ZNF738: variants seen among roughly 807,000 people sequenced by gnomAD.
ZNF738 encodes protein ZNF738.
In ZNF738, 10 loss-of-function variants were observed where a neutral mutation model predicts 9.2. The ratio of observed to expected loss-of-function variants is 1.09; its 90% CI spans 0.67 to 1.85. The LOEUF is 1.85. ZNF738 is among the 40% of genes most tolerant of loss of function. ZNF738 has a pLI of 0.00. For synonymous variants in ZNF738, 113 were observed against 94.5 expected (o/e 1.20, Z -1.14); for missense variants, 346 against 283.6 (o/e 1.22, Z -1.58).
intron 2 of ZNF738, among the ~76,000 whole-genome samples, chr19:21,363,907 A>T (rs537065034): frequency 1.6e-3 from 238 of 148,188 alleles, no homozygotes; most frequent in Non-Finnish European, 2.8e-3. Context: ...AAAAAAATTG[A>T]ATTCTAGAGC....
At chr19:21,373,980 C>T (rs1973892965) in intron 2 of ZNF738, among the ~76,000 whole-genome samples, 1 of 152,054 alleles carries the variant, frequency 6.6e-6, no homozygotes, top group South Asian at 2.1e-4. Context: ...CCAGAGCCTT[C>T]TCTACACTCT....
chr19:21,359,538 A>G (rs954272815), intron 1 of ZNF738, among the ~76,000 whole-genome samples: 9 of 152,176 alleles, frequency 5.9e-5, no homozygotes, highest in Non-Finnish European at 2.9e-5. Flanking sequence ...ATCTCCTATT[A>G]AAAGTTAATG....
In ZNF738 at chr19:21,384,042, A is replaced by G. The variant is rs1974038072; in HGVS notation, c.*368A>G. 5 of 1,558,270 alleles carry G rather than the reference A, an allele frequency of 3.2e-6. No individual in the cohort carries two copies. The Admixed American group carries it at 6.7e-5, about 21-fold the overall frequency. On this transcript the variant is annotated 3_prime_UTR_variant, in exon 5 of 5. Coordinates refer to ENST00000683779, the MANE Select transcript of ZNF738 (RefSeq NM_001355237.2). ...AGCTTTCTACCGATTCATTTACCTTACTACACATAAGAGAATTCACACTGG... is the reference window on the plus strand; with the variant it reads ...AGCTTTCTACCGATTCATTTACCTTGCTACACATAAGAGAATTCACACTGG...
At chr19:21,373,636 C>T (rs1426514852) in intron 2 of ZNF738, among the ~76,000 whole-genome samples, 1 of 152,106 alleles carries the variant, frequency 6.6e-6, no homozygotes, top group Non-Finnish European at 1.5e-5. Flanking sequence ...GTTCTTAGTT[C>T]TTTTTTCTGT....
chr19:21,362,347 AAAC>A (rs1255817252), intron 2 of ZNF738, among the ~76,000 whole-genome samples: 1 of 152,218 alleles, frequency 6.6e-6, no homozygotes, highest in Non-Finnish European at 1.5e-5. Context: ...CCCGAAAGAC[AAAC>A]AACAAAAACA....
In ZNF738 at chr19:21,385,460, A is replaced by T. The variant is rs559908709; in HGVS notation, c.*1786A>T. ...GACAGAGAGAGACTCTATCTCCAAAAAAATAAATAAATAAATAAAAAAAAT... is the reference window on the plus strand; with the variant it reads ...GACAGAGAGAGACTCTATCTCCAAATAAATAAATAAATAAATAAAAAAAAT... On this transcript the variant is annotated 3_prime_UTR_variant, in exon 5 of 5. Transcript: ENST00000683779. Among the ~76,000 whole-genome samples the T allele has an allele frequency of 1.4e-5, 2 of 147,574 alleles. No individual in the cohort carries two copies. Among genetic ancestry groups the T allele is most frequent in the Admixed American group, 1.3e-4 (2 of 14,864 alleles).
chr19:21,376,883 C>G (rs1973935168), intron 4 of ZNF738, among the ~76,000 whole-genome samples: 1 of 151,598 alleles, frequency 6.6e-6, no homozygotes, highest in Non-Finnish European at 1.5e-5. Context: ...CATAAAATGT[C>G]AAATTTAACA....
chr19:21,375,276 T>C lies in ZNF738; in HGVS notation c.135T>C (p.Ser45=). Reference sequence around the variant, plus strand: ...TTAGGGATGTGGTCATAGAATTCTCTCAGGAGGAGTGGCAATGCCTGGACA... The same window carrying C: ...TTAGGGATGTGGTCATAGAATTCTCCCAGGAGGAGTGGCAATGCCTGGACA... ...LTFRDVVIEF[S]QEEWQCLDTA... is the part of the protein sequence containing the mutation. The change falls in exon 3 of 5, where the codon TCT becomes TCC. Residue 45 remains serine, a synonymous_variant. Coordinates refer to ENST00000683779, the MANE Select transcript of ZNF738 (RefSeq NM_001355237.2). 1.7e-6 allele frequency: 2 copies of C among 1,145,992 alleles called. No individual in the cohort carries two copies. The highest frequency in any genetic ancestry group is 1.7e-5 in the Admixed American group (1 of 58,736). 71.0% of individuals were successfully genotyped at this position (1,145,992 alleles called of 1,614,324 possible).
intron 2 of ZNF738, among the ~76,000 whole-genome samples, chr19:21,363,165 C>A (rs1973722596): frequency 6.6e-6 from 1 of 152,064 alleles, no homozygotes; most frequent in South Asian, 2.1e-4. Context: ...AATACTTTTG[C>A]TTTTCTTATT....
rs529316048 is a variant in ZNF738 at position 21,384,843 on chromosome 19, G to A, written c.*1169G>A. Among the ~76,000 whole-genome samples, 2 of 152,160 alleles carry A rather than the reference G, an allele frequency of 1.3e-5. No individual in the cohort carries two copies. Among genetic ancestry groups the A allele is most frequent in the African/African-American group, 4.8e-5 (2 of 41,516 alleles). On this transcript the variant is annotated 3_prime_UTR_variant, in exon 5 of 5. Coordinates refer to ENST00000683779, the MANE Select transcript of ZNF738 (RefSeq NM_001355237.2). ...TACTGGAGAGACACCCTACAAATGT[G>A]AAGAATGTGGCAAAGCTTTTAACCA...
intron 2 of ZNF738, chr19:21,372,579 G>A (rs888769352): frequency 2.6e-5 from 4 of 152,106 alleles, no homozygotes; most frequent in Non-Finnish European, 4.4e-5. Flanking sequence ...TTACAGAAAC[G>A]TTCCATTTAG....
chr19:21,363,373 T>A (rs944329681), intron 2 of ZNF738, among the ~76,000 whole-genome samples: 2 of 152,144 alleles, frequency 1.3e-5, no homozygotes, highest in Non-Finnish European at 2.9e-5. Context: ...AAAGGTCCAG[T>A]TAGTTTTTTC....
chr19:21,360,680 C>T (rs555260619), intron 1 of ZNF738: 38 of 152,400 alleles, frequency 2.5e-4, no homozygotes, highest in African/African-American at 8.9e-4. Context: ...TCTCGAACTC[C>T]TGACCTCAGG....
intron 2 of ZNF738, among the ~76,000 whole-genome samples, chr19:21,366,913 C>T (rs1240632789): frequency 1.3e-5 from 2 of 152,122 alleles, no homozygotes; most frequent in Admixed American, 6.5e-5. Context: ...ATCTTTGTGA[C>T]CTGTATCTTG....
chr19:21,377,064 T>C (rs1973937032), intron 4 of ZNF738, among the ~76,000 whole-genome samples: 2 of 151,930 alleles, frequency 1.3e-5, no homozygotes, highest in South Asian at 4.2e-4. Context: ...TCCCAACACT[T>C]TGGGAGGCCG....
At chr19:21,359,751 C>T (rs1973657507) in intron 1 of ZNF738, among the ~76,000 whole-genome samples, 1 of 151,910 alleles carries the variant, frequency 6.6e-6, no homozygotes, top group African/African-American at 2.4e-5. Context: ...GTGGCGGGCG[C>T]CTGTAGTCCC....
At chr19:21,379,820 A>G (rs1973983714) in intron 4 of ZNF738, among the ~76,000 whole-genome samples, 1 of 152,146 alleles carries the variant, frequency 6.6e-6, no homozygotes, top group African/African-American at 2.4e-5. Context: ...ATGAGCATTT[A>G]CATAAAACTA....
At position 21,375,321 on chromosome 19, in the gene ZNF738, T is replaced by A; in HGVS notation, c.180T>A (p.Tyr60Ter). 1 of 1,070,616 alleles carries A rather than the reference T, an allele frequency of 9.3e-7. No individual in the cohort carries two copies. Among genetic ancestry groups the A allele is most frequent in the Non-Finnish European group, 1.5e-6 (1 of 686,720 alleles). The allele number at this position is 1,070,616 out of a possible 1,614,324, so 66.3% of individuals were successfully genotyped here. ...QCLDTAQQDL[Y>*]RKVMLENFRN... ...TGGACACTGCTCAGCAAGATTTGTA[T>A]AGGAAAGTGATGTTAGAGAACTTCA... Residue 60 changes from tyrosine (Y) to a stop codon, truncating the protein, a stop_gained, in exon 3 of 5, where the codon TAT (tyrosine) becomes TAA (stop). Coordinates refer to ENST00000683779, the MANE Select transcript of ZNF738 (RefSeq NM_001355237.2). LOFTEE classifies it high-confidence loss of function.
At position 21,386,373 on chromosome 19, in the gene ZNF738, A is replaced by C. The variant is rs1568372829; in HGVS notation, c.*2699A>C. 1 of 316,806 alleles carries C rather than the reference A, an allele frequency of 3.2e-6. No individual in the cohort carries two copies. The highest frequency in any genetic ancestry group is 6.5e-6 in the Non-Finnish European group (1 of 154,642). 19.6% of individuals were successfully genotyped at this position (316,806 alleles called of 1,614,324 possible). A position where few individuals can be genotyped will look rare whatever the true frequency, so the allele number is the denominator to read the frequency against. On this transcript the variant is annotated 3_prime_UTR_variant, in exon 5 of 5. Transcript: ENST00000683779. ...GTGGCAAAGCTTTTAATCAATCCTC[A>C]AACCTTACTAAACATAAGATAACTC...
Sources: allele counts gnomAD v4.1 joint callset (sites outside exome capture counted in the v4.1 genomes callset), GRCh38; gene constraint gnomAD v4.1.1; transcripts MANE v1.5; gene names NCBI Gene and HGNC (gene_info 2026-07-23, HGNC 2026-07-21).